The following RGL4 variants were observed in gnomAD, a reference collection of about 807,000 sequenced individuals.
The protein encoded by RGL4 is ral guanine nucleotide dissociation stimulator like 4, also known as ral-GDS-related protein.
In RGL4, 41 loss-of-function variants were observed where a neutral mutation model predicts 49.6. The observed-to-expected ratio is 0.83, with a 90% confidence interval of 0.64 to 1.07. The LOEUF is 1.07. Ranked by LOEUF, RGL4 falls within the 50% of genes least tolerant of loss-of-function variation. RGL4 has a pLI of 0.00. For missense variants in RGL4, 610 were observed against 591.9 expected (o/e 1.03, Z -0.32); for synonymous variants, 255 against 238.0 (o/e 1.07, Z -0.66).
rs780858222 is a variant in RGL4 at position 23,698,895 on chromosome 22, C to A, written c.*12C>A. 21 of 1,612,394 alleles carry A rather than the reference C, an allele frequency of 1.3e-5. No homozygotes were observed. Among genetic ancestry groups the A allele is most frequent in the Non-Finnish European group, 3.4e-6 (4 of 1,179,392 alleles). The stretch of plus-strand genomic sequence containing the variant: ...CCGAAAACCCGTAGGCTGGCAACAT[C>A]CTGCAGTGGCTGGGAACCCACCGGG... On this transcript the variant is annotated 3_prime_UTR_variant, in exon 11 of 11. Transcript: ENST00000290691.
At chr22:23,694,201 T>C in intron 4 of RGL4, 146 bp from the exon 5 acceptor site, 1 of 732,876 alleles carries the variant, frequency 1.4e-6, no homozygotes, top group Non-Finnish European at 2.3e-6. Flanking sequence ...CCTAGATGAG[T>C]GACATCCACT....
rs569712189 is a variant in RGL4, at chr22:23,696,348, C to T, written c.1087-266C>T. On this transcript the variant is annotated intron_variant, in intron 6 of 10. Transcript: ENST00000290691. ...CTCAGAGGGATGACGGTGAGAACAA[C>T]GGCAACAGCTACAGGAAACTGAGCC... is the stretch of plus-strand genomic sequence containing the variant. The T allele has an allele frequency of 3.5e-5, 48 of 1,389,544 alleles. 1 individual carries two copies. The South Asian group carries it at 4.1e-4, about 12-fold the overall frequency. 86.1% of individuals were successfully genotyped at this position (1,389,544 alleles called of 1,614,324 possible).
chr22:23,693,083 T>C, intron 3 of RGL4, 92 bp downstream of exon 3: 2 of 1,463,830 alleles, frequency 1.4e-6, no homozygotes, highest in Non-Finnish European at 1.8e-6. Context: ...TCGGTCCAAT[T>C]TCAGCCCCAC....
chr22:23,694,537 G>C, intron 5 of RGL4, 87 bp downstream of exon 5: 2 of 918,192 alleles, frequency 2.2e-6, no homozygotes, highest in Non-Finnish European at 3.5e-6. Flanking sequence ...ACTCTGAAAG[G>C]TTCTTGGAGT....
intron 6 of RGL4, 35 bp downstream of exon 6, chr22:23,695,054 T>C: frequency 6.7e-7 from 1 of 1,492,970 alleles, no homozygotes; most frequent in Non-Finnish European, 9.3e-7. Flanking sequence ...GGACAAGTGT[T>C]TAAGGGTCAG....
intron 3 of RGL4, among the ~76,000 whole-genome samples, chr22:23,693,531 T>G (rs1923280038): frequency 6.6e-6 from 1 of 152,148 alleles, no homozygotes; most frequent in Non-Finnish European, 1.5e-5. Flanking sequence ...TCACTCTCTC[T>G]TCCCACCCTT....
At chr22:23,696,723 G>C (rs1569120592) in intron 7 of RGL4, 35 bp downstream of exon 7, 1 of 1,585,266 alleles carries the variant, frequency 6.3e-7, no homozygotes, top group African/African-American at 1.3e-5. Context: ...GGCCGCAGGG[G>C]ATCAGAGGAC....
intron 6 of RGL4, among the ~76,000 whole-genome samples, chr22:23,696,139 G>C (rs1203530057): frequency 6.6e-6 from 1 of 152,200 alleles, no homozygotes; most frequent in Non-Finnish European, 1.5e-5. Context: ...AGCCGAGACG[G>C]AGCCTCCAGG....
Position 23,693,741 on chromosome 22 carries a change from T to A in RGL4, c.697-18T>A, listed in dbSNP as rs756359493. The A allele has an allele frequency of 1.6e-5, 25 of 1,603,736 alleles. No individual in the cohort carries two copies. Among genetic ancestry groups the A allele is most frequent in the Non-Finnish European group, 2.0e-5 (24 of 1,170,898 alleles). ...CTGCAGTGTGCTGTGTCCGTGACAC[T>A]CTCCTCCTCCCCCAAAGGAGCTGTT... On this transcript the variant is annotated intron_variant, in intron 3 of 10. Transcript: ENST00000290691.
chr22:23,694,488 C>T, intron 5 of RGL4, 38 bp downstream of exon 5: 7 of 1,420,248 alleles, frequency 4.9e-6, no homozygotes, highest in Non-Finnish European at 6.9e-6. Flanking sequence ...TCAGGGTTGA[C>T]CTAGGGACTC....
At chr22:23,697,899 G>A in intron 9 of RGL4, 38 bp downstream of exon 9, 15 of 1,594,046 alleles carry the variant, frequency 9.4e-6, no homozygotes, top group Non-Finnish European at 1.3e-5. Flanking sequence ...TGAGGGTGGG[G>A]ATGTGGACGT....
intron 7 of RGL4, 98 bp from the exon 8 acceptor site, chr22:23,697,073 G>C: frequency 3.3e-6 from 3 of 910,398 alleles, no homozygotes; most frequent in Non-Finnish European, 3.5e-6. Flanking sequence ...GGAGACAGGG[G>C]CTGATGGGAT....
chr22:23,696,417 C>T (rs1923494301), intron 6 of RGL4, 197 bp from the exon 7 acceptor site: 8 of 1,527,524 alleles, frequency 5.2e-6, no homozygotes, highest in South Asian at 1.2e-5. Flanking sequence ...TCACTCTTTA[C>T]AGAAGAGGAA....
In RGL4 at chr22:23,691,935, G is replaced by A; in HGVS notation, c.-96G>A. The A allele has an allele frequency of 7.4e-7, 1 of 1,348,742 alleles. No individual in the cohort carries two copies. Among genetic ancestry groups the A allele is most frequent in the Non-Finnish European group, 1.0e-6 (1 of 970,190 alleles). The allele number at this position is 1,348,742 out of a possible 1,614,324, so 83.5% of individuals were successfully genotyped here. A position where few individuals can be genotyped will look rare whatever the true frequency, so the allele number is the denominator to read the frequency against. On this transcript the variant is annotated 5_prime_UTR_variant, in exon 1 of 11. Transcript: ENST00000290691. ...GCCACTGAGAGACCCATCCCCCTCA[G>A]CACCGTGGCTTCCCAGCTCTCCCTG...
At chr22:23,698,370 G>A (rs757664014) in intron 10 of RGL4, 37 bp downstream of exon 10, 18 of 1,580,954 alleles carry the variant, frequency 1.1e-5, no homozygotes, top group Non-Finnish European at 1.5e-5. Context: ...GTGGGAGAAG[G>A]CTCTCCATTT....
In RGL4 at chr22:23,696,669, G is replaced by C; in HGVS notation, c.1142G>C (p.Arg381Thr). 3 of 1,613,342 alleles carry C rather than the reference G, an allele frequency of 1.9e-6. No individual in the cohort carries two copies. In the South Asian group the frequency reaches 3.3e-5, roughly 18 times the overall value. Residue 381 changes from arginine to threonine, a missense_variant, in exon 7 of 11, where the codon AGG becomes ACG. Coordinates refer to ENST00000290691, the MANE Select transcript of RGL4 (RefSeq NM_153615.2). The stretch of plus-strand genomic sequence containing the variant: ...AGGAACCCCCAGAGAGTCCAGATGA[G>C]GCTGCGGAGGCAGAAGAAGGTGAGT... ...QERNPQRVQMRLRRQKKGVVP... is the reference protein window; with the variant it reads ...QERNPQRVQMTLRRQKKGVVP...
chr22:23,697,862 G>A lies in RGL4; in HGVS notation c.1260+1G>A. On this transcript the variant is annotated splice_donor_variant, in intron 9 of 10. Transcript: ENST00000290691. LOFTEE classifies it high-confidence loss of function. ...GGGCAACACCAACAAGAGGAGCAAGGTGAGCAGCTGGGGCACTCACGTTGG... is the reference window on the plus strand; with the variant it reads ...GGGCAACACCAACAAGAGGAGCAAGATGAGCAGCTGGGGCACTCACGTTGG... 2 of 1,606,628 alleles carry A rather than the reference G, an allele frequency of 1.2e-6. No homozygotes were observed. The highest frequency in any genetic ancestry group is 2.2e-5 in the East Asian group (1 of 44,638).
chr22:23,697,895 T>G (rs1166635193), intron 9 of RGL4, 34 bp downstream of exon 9: 1 of 1,596,564 alleles, frequency 6.3e-7, no homozygotes. Context: ...TGGATGAGGG[T>G]GGGGATGTGG....
rs867939090 is a variant in RGL4 at position 23,697,944 on chromosome 22, C to T, written c.1260+83C>T. The T allele has an allele frequency of 8.8e-5, 129 of 1,472,852 alleles. 1 individual carries two copies. In the Middle Eastern group the frequency reaches 4.6e-3, roughly 53 times the overall value. 91.2% of individuals were successfully genotyped at this position (1,472,852 alleles called of 1,614,324 possible). On this transcript the variant is annotated intron_variant, in intron 9 of 10. Transcript: ENST00000290691. ...CCCTGGGCAGGACACTCCCTGGCTC[C>T]ATCCTCTACATCTTAGGCTTACTGG...
Sources: gnomAD v4.1 joint callset for allele counts (sites outside exome capture counted in the v4.1 genomes callset) on GRCh38, gnomAD v4.1.1 for gene constraint, MANE v1.5 for transcripts, NCBI Gene and HGNC (gene_info 2026-07-23, HGNC 2026-07-21) for gene names.